CDH12: variants seen among roughly 807,000 people sequenced by gnomAD.
CDH12 encodes cadherin-12.
In CDH12, 41 loss-of-function variants were observed where a neutral mutation model predicts 74.1. The observed-to-expected ratio is 0.55, with a 90% confidence interval of 0.43 to 0.72. CDH12 has a LOEUF of 0.72. Among genes scored for constraint, CDH12 ranks in the 30% least tolerant of loss-of-function variants. The probability of loss-of-function intolerance (pLI) is 0.00; values close to 1 mark genes in which losing one functional copy is unlikely to be tolerated. For synonymous variants in CDH12, 399 were observed against 355.0 expected (o/e 1.12, Z -1.39); for missense variants, 945 against 977.2 (o/e 0.97, Z 0.44).
At chr5:22,513,766 T>C (rs1736701546) in intron 1 of CDH12, among the ~76,000 whole-genome samples, 1 of 151,720 alleles carries the variant, frequency 6.6e-6, no homozygotes, top group Non-Finnish European at 1.5e-5. Flanking sequence ...GCCAACACGG[T>C]GAAACCCCAT....
chr5:22,836,223 C>CTTTTTTTTTTTTT (rs61616737), intron 1 of CDH12, among the ~76,000 whole-genome samples: 4,259 of 65,464 alleles, frequency 0.065, 1,132 homozygotes, highest in Non-Finnish European at 0.068. Context: ...CTTTCTTTCT[C>CTTTTTTTTTTTTT]TTTTTTTTTT....
intron 3 of CDH12, 29 bp downstream of exon 3, chr5:22,405,228 G>GA (rs1742892489): frequency 1.6e-6 from 1 of 641,820 alleles, no homozygotes; most frequent in Non-Finnish European, 1.9e-6. Context: ...AAAAAATAAA[G>GA]AAAAAATCAT....
chr5:22,085,718 TA>T (rs1743019467), intron 4 of CDH12, among the ~76,000 whole-genome samples: 1 of 152,190 alleles, frequency 6.6e-6, no homozygotes, highest in African/African-American at 2.4e-5. Context: ...AATGGCAGCA[TA>T]ACTTACGTAA....
chr5:22,847,892 T>C (rs570467664), intron 1 of CDH12, among the ~76,000 whole-genome samples: 1 of 152,114 alleles, frequency 6.6e-6, no homozygotes, highest in African/African-American at 2.4e-5. Flanking sequence ...TTCTTTCTTT[T>C]TTTTCTTGTG....
chr5:22,801,670 TATATATATATATATAC>T (rs1183837145), intron 1 of CDH12, among the ~76,000 whole-genome samples: 3,971 of 121,026 alleles, frequency 0.033, 145 homozygotes, highest in East Asian at 0.076. Context: ...TATATATATA[TATATATATATATATAC>T]ACTTTGTTTA....
At chr5:21,758,295 A>G in intron 13 of CDH12, among the ~76,000 whole-genome samples, 1 of 152,092 alleles carries the variant, frequency 6.6e-6, no homozygotes, top group Non-Finnish European at 1.5e-5. Flanking sequence ...TCTTATGGCC[A>G]TTTCTCACAT....
Position 22,350,670 on chromosome 5 carries a change from C to T in CDH12, c.-333+54587G>A, listed in dbSNP as rs114049656. 6.3e-3 allele frequency among the ~76,000 whole-genome samples: 961 copies of T among 152,226 alleles called. 6 individuals are homozygous for T. The highest frequency in any genetic ancestry group is 9.7e-3 in the Non-Finnish European group (659 of 68,020). ...AAAATATTGCATGGTAGATATTATC[C>T]TACCTTTGTGGATACAATTATAGAT... On this transcript the variant is annotated intron_variant, in intron 3 of 14. Coordinates refer to ENST00000382254, the MANE Select transcript of CDH12 (RefSeq NM_004061.5).
rs148168920 is a variant in CDH12 at position 22,610,946 on chromosome 5, G to T, written c.-522-105582C>A. On this transcript the variant is annotated intron_variant, in intron 1 of 14. Coordinates refer to ENST00000382254, the MANE Select transcript of CDH12 (RefSeq NM_004061.5). ...TATACGAGGCATTAATAACTAATTT[G>T]CCCAACATGACACTGAATTCAAACA... 3.3e-3 allele frequency among the ~76,000 whole-genome samples: 503 copies of T among 152,028 alleles called. 1 individual carries two copies. The highest frequency in any genetic ancestry group is 9.1e-3 in the African/African-American group (377 of 41,500).
At chr5:22,217,160 T>C (rs1751835501) in intron 3 of CDH12, among the ~76,000 whole-genome samples, 2 of 151,782 alleles carry the variant, frequency 1.3e-5, no homozygotes, top group Admixed American at 1.3e-4. Flanking sequence ...CCAGAAATTA[T>C]TGATGTGAAA....
intron 8 of CDH12, among the ~76,000 whole-genome samples, chr5:21,832,019 TA>T (rs1341161479): frequency 6.6e-6 from 1 of 151,306 alleles, no homozygotes; most frequent in Non-Finnish European, 1.5e-5. Flanking sequence ...CCTTTAACAT[TA>T]TTTTTTATAA....
intron 3 of CDH12, among the ~76,000 whole-genome samples, chr5:22,308,596 G>T (rs1738229225): frequency 6.6e-6 from 1 of 152,112 alleles, no homozygotes; most frequent in South Asian, 2.1e-4. Context: ...AATTGTATAT[G>T]TAAATGTACA....
At chr5:22,110,367 T>C (rs1217252179) in intron 4 of CDH12, among the ~76,000 whole-genome samples, 1 of 151,654 alleles carries the variant, frequency 6.6e-6, no homozygotes, top group Non-Finnish European at 1.5e-5. Flanking sequence ...AGGAAAAGTT[T>C]AATAGACATG....
rs541094477 is a variant in CDH12 at position 22,742,826 on chromosome 5, T to G, written c.-523+110232A>C. Among the ~76,000 whole-genome samples the G allele has an allele frequency of 5.0e-4, 76 of 151,998 alleles. No homozygotes were observed. The South Asian group carries it at 0.013, about 27-fold the overall frequency. On this transcript the variant is annotated intron_variant, in intron 1 of 14. Coordinates refer to ENST00000382254, the MANE Select transcript of CDH12 (RefSeq NM_004061.5). ...TATTTGCATTCCACTATGTGGTGGT[T>G]AATTTTATGTGTCAACTTGACTGGG...
At chr5:22,621,491 C>A (rs1007792074) in intron 1 of CDH12, among the ~76,000 whole-genome samples, 2 of 151,758 alleles carry the variant, frequency 1.3e-5, no homozygotes, top group African/African-American at 4.8e-5. Context: ...GAAAAAAATT[C>A]TCAGAATAAA....
At chr5:22,444,776 T>C (rs1446517548) in intron 2 of CDH12, among the ~76,000 whole-genome samples, 2 of 152,032 alleles carry the variant, frequency 1.3e-5, no homozygotes, top group African/African-American at 2.4e-5. Flanking sequence ...TGATTAACCA[T>C]AAATTAAATA....
intron 2 of CDH12, among the ~76,000 whole-genome samples, chr5:22,465,570 G>A (rs1745694223): frequency 6.6e-6 from 1 of 152,030 alleles, no homozygotes; most frequent in South Asian, 2.1e-4. Flanking sequence ...TGCTTGAGCC[G>A]AGGAGATCAA....
At chr5:22,289,422 A>G (rs912241156) in intron 3 of CDH12, among the ~76,000 whole-genome samples, 2 of 152,202 alleles carry the variant, frequency 1.3e-5, no homozygotes, top group African/African-American at 4.8e-5. Flanking sequence ...GCCAATTGTT[A>G]TAATTCTAGT....
intron 6 of CDH12, among the ~76,000 whole-genome samples, chr5:21,876,304 A>G (rs1751937245): frequency 6.6e-6 from 1 of 152,132 alleles, no homozygotes; most frequent in South Asian, 2.1e-4. Context: ...TCTGATAACT[A>G]CTTAGCATTC....
chr5:22,593,287 A>AT (rs1371091213), intron 1 of CDH12, among the ~76,000 whole-genome samples: 3 of 151,930 alleles, frequency 2.0e-5, no homozygotes, highest in Non-Finnish European at 2.9e-5. Context: ...TATTTGGCCT[A>AT]ATTTTTCTCC....
Sources: allele counts gnomAD v4.1 joint callset (sites outside exome capture counted in the v4.1 genomes callset), GRCh38; gene constraint gnomAD v4.1.1; transcripts MANE v1.5; gene names NCBI Gene and HGNC (gene_info 2026-07-23, HGNC 2026-07-21).